The following CCDC30 variants were observed in gnomAD, a reference collection of about 807,000 sequenced individuals.
CCDC30 encodes the protein coiled-coil domain-containing protein 30.
Under a neutral mutation model 100.2 loss-of-function variants are expected in CCDC30, and 70 were observed. The observed-to-expected ratio is 0.70, with a 90% confidence interval of 0.58 to 0.85. The LOEUF (loss-of-function observed/expected upper bound fraction) is 0.85, where lower values mean the gene tolerates loss of function less well. Ranked by LOEUF, CCDC30 falls within the 40% of genes least tolerant of loss-of-function variation. The pLI is 0.00. For missense variants in CCDC30, 652 were observed against 771.2 expected (o/e 0.85, Z 1.83); for synonymous variants, 233 against 269.5 (o/e 0.86, Z 1.33).
intron 6 of CCDC30, chr1:42,510,205 ACTCT>A (rs937693101): frequency 4.1e-6 from 3 of 733,096 alleles, no homozygotes; most frequent in East Asian, 2.6e-4. Flanking sequence ...CTGTTTCTTT[ACTCT>A]CTCTATTTTC....
At chr1:42,563,940 T>C (rs1645552286) in intron 6 of CCDC30, among the ~76,000 whole-genome samples, 1 of 152,102 alleles carries the variant, frequency 6.6e-6, no homozygotes, top group Admixed American at 6.6e-5. Flanking sequence ...TTTTTTTTCC[T>C]AGGGATCTTG....
chr1:42,483,803 T>A (rs540264622), intron 3 of CCDC30, among the ~76,000 whole-genome samples: 1 of 152,268 alleles, frequency 6.6e-6, no homozygotes, highest in East Asian at 1.9e-4. Context: ...TTACCATAAA[T>A]GCTAATATTC....
Position 42,486,029 on chromosome 1 carries a change from T to C in CCDC30, c.169+3213T>C, listed in dbSNP as rs1644044993. 3.3e-5 allele frequency among the ~76,000 whole-genome samples: 5 copies of C among 152,270 alleles called. 1 individual carries two copies. The South Asian group carries it at 1.0e-3, about 32-fold the overall frequency. On this transcript the variant is annotated intron_variant, in intron 3 of 16. Coordinates refer to ENST00000668663, the Ensembl canonical transcript of CCDC30. ...GTGGAAACATTGAAACCCTTATACA[T>C]TGCTAGTAAGAAGGTAAAATAGTGA...
At chr1:42,512,824 C>T (rs540159928) in intron 6 of CCDC30, among the ~76,000 whole-genome samples, 62 of 152,258 alleles carry the variant, frequency 4.1e-4, no homozygotes, top group Admixed American at 9.8e-4. Context: ...CAAACATGGC[C>T]AACATGCCCA....
chr1:42,459,292 A>G (rs938038612), upstream of CCDC30: 17 of 276,060 alleles, frequency 6.2e-5, no homozygotes, highest in Admixed American at 1.5e-4. Context: ...CCTCCTGAGT[A>G]GCTGGGACTA....
intron 3 of CCDC30, among the ~76,000 whole-genome samples, chr1:42,488,122 A>G (rs537940655): frequency 6.6e-6 from 1 of 152,134 alleles, no homozygotes. Context: ...ACTTTTGTAT[A>G]TATTTGAAAT....
chr1:42,539,204 G>A, intron 6 of CCDC30: 2 of 1,604,974 alleles, frequency 1.2e-6, no homozygotes, highest in Admixed American at 1.7e-5. Context: ...GAGCTTATAT[G>A]CCTTTATAAT....
chr1:42,488,911 C>G (rs1025635732), intron 3 of CCDC30, among the ~76,000 whole-genome samples: 2 of 152,168 alleles, frequency 1.3e-5, no homozygotes, highest in Non-Finnish European at 2.9e-5. Context: ...GCCTATGTAT[C>G]CAGGTCATAT....
At chr1:42,482,771 C>G in exon 3 of CCDC30, 1 of 1,233,664 alleles carries the variant, frequency 8.1e-7, no homozygotes. Flanking sequence ...GATTCAAAGG[C>G]TCACTGATGA....
chr1:42,653,176 C>G (rs957837270), intron 15 of CCDC30, among the ~76,000 whole-genome samples, 200 bp from the exon 20 acceptor site: 1 of 151,788 alleles, frequency 6.6e-6, no homozygotes, highest in Non-Finnish European at 1.5e-5. Context: ...ATAGATAGAT[C>G]GTCTATAGAT....
intron 6 of CCDC30, among the ~76,000 whole-genome samples, chr1:42,507,329 G>A (rs545241968): frequency 7.9e-4 from 120 of 152,306 alleles, no homozygotes; most frequent in Non-Finnish European, 9.6e-4. Flanking sequence ...TTGCTGAAAT[G>A]CGAATTAGTG....
At chr1:42,520,049 T>G in intron 6 of CCDC30, among the ~76,000 whole-genome samples, 1 of 152,160 alleles carries the variant, frequency 6.6e-6, no homozygotes, top group South Asian at 2.1e-4. Context: ...GTTGATCTTT[T>G]CAAAGAACAA....
rs531880401 is a variant in CCDC30, at chr1:42,574,476, T to A, written c.637-2544T>A. 8.5e-5 allele frequency among the ~76,000 whole-genome samples: 13 copies of A among 152,232 alleles called. No individual in the cohort carries two copies. In the South Asian group the frequency reaches 2.5e-3, roughly 29 times the overall value. On this transcript the variant is annotated intron_variant, in intron 7 of 16. Transcript: ENST00000668663. ...AAGAAGAAAAGATATATAATGATGG[T>A]CATTTCACTTTTATAATATTAGTTA...
intron 11 of CCDC30, among the ~76,000 whole-genome samples, chr1:42,612,823 C>T (rs557848201): frequency 2.0e-5 from 3 of 152,244 alleles, no homozygotes; most frequent in African/African-American, 7.2e-5. Context: ...TAATCCTAGA[C>T]CTGCTGGAAT....
chr1:42,638,640 G>A (rs1212720609), intron 12 of CCDC30, among the ~76,000 whole-genome samples: 4 of 151,718 alleles, frequency 2.6e-5, no homozygotes, highest in Admixed American at 6.6e-5. Context: ...TTGGGAGGCC[G>A]AGGTGGGCAG....
chr1:42,587,226 G>A (rs1156742679), intron 9 of CCDC30, among the ~76,000 whole-genome samples: 1 of 152,028 alleles, frequency 6.6e-6, no homozygotes, highest in Non-Finnish European at 1.5e-5. Flanking sequence ...TGAACTTTTG[G>A]GCTCAAGCGA....
upstream of CCDC30, among the ~76,000 whole-genome samples, chr1:42,461,092 CTA>C (rs1643399238): frequency 1.3e-5 from 2 of 152,188 alleles, no homozygotes; most frequent in African/African-American, 4.8e-5. Context: ...GCATTGATGA[CTA>C]AGGTAGAAGC....
At chr1:42,653,710 T>A in intron 16 of CCDC30, 108 bp from the exon 21 acceptor site, 1 of 771,508 alleles carries the variant, frequency 1.3e-6, no homozygotes, top group Non-Finnish European at 2.1e-6. Flanking sequence ...TGGCTTTGTG[T>A]AACAGTTGCA....
intron 11 of CCDC30, among the ~76,000 whole-genome samples, chr1:42,614,402 A>G (rs775339095): frequency 2.8e-4 from 43 of 151,968 alleles, no homozygotes; most frequent in Non-Finnish European, 4.7e-4. Flanking sequence ...TTGAGATATA[A>G]TTTGCGTATA....
Sources: gnomAD v4.1 joint callset for allele counts (sites outside exome capture counted in the v4.1 genomes callset) on GRCh38, gnomAD v4.1.1 for gene constraint, MANE v1.5 for transcripts, NCBI Gene and HGNC (gene_info 2026-07-23, HGNC 2026-07-21) for gene names.